The following CPNE4 variants were observed in gnomAD, a reference collection of about 807,000 sequenced individuals.
CPNE4 encodes copine-4.
A neutral mutation model predicts 67.9 loss-of-function variants in CPNE4; 25 were observed. The observed-to-expected ratio is 0.37, with a 90% CI of 0.27 to 0.51. The LOEUF (loss-of-function observed/expected upper bound fraction) is 0.51. Among genes scored for constraint, CPNE4 ranks in the 20% least tolerant of loss-of-function variants. The probability of loss-of-function intolerance (pLI) is 0.93; values close to 1 mark genes in which losing one functional copy is unlikely to be tolerated. For missense variants in CPNE4, 464 were observed against 690.8 expected, an observed-to-expected ratio of 0.67 and a Z score of 3.68; for synonymous variants, 242 against 244.9, an observed-to-expected ratio of 0.99 and a Z score of 0.11.
intron 1 of CPNE4, among the ~76,000 whole-genome samples, chr3:131,941,539 G>A (rs138095453): frequency 3.3e-5 from 5 of 151,864 alleles, no homozygotes; most frequent in Middle Eastern, 3.4e-3. Context: ...CTACTGATGA[G>A]AAAACCAAGG....
chr3:131,882,863 C>T (rs765201020), intron 2 of CPNE4, among the ~76,000 whole-genome samples: 1 of 151,852 alleles, frequency 6.6e-6, no homozygotes, highest in African/African-American at 2.4e-5. Context: ...ACTACAGGCA[C>T]CCGCCACCAC....
intron 10 of CPNE4, among the ~76,000 whole-genome samples, chr3:131,570,246 T>C (rs1937265034): frequency 6.6e-6 from 1 of 151,822 alleles, no homozygotes; most frequent in African/African-American, 2.4e-5. Flanking sequence ...ATGAACATTT[T>C]TGAGCATATG....
intron 2 of CPNE4, among the ~76,000 whole-genome samples, chr3:131,807,417 A>G (rs188077761): frequency 6.6e-5 from 10 of 152,298 alleles, no homozygotes; most frequent in Non-Finnish European, 1.5e-5. Context: ...GTCATTATAT[A>G]CAGATCTACT....
At chr3:131,781,687 A>G (rs185186531) in intron 2 of CPNE4, among the ~76,000 whole-genome samples, 8 of 152,288 alleles carry the variant, frequency 5.3e-5, no homozygotes, top group African/African-American at 1.7e-4. Flanking sequence ...TTTTGGGTTT[A>G]TATGCCAGTG....
intron 1 of CPNE4, among the ~76,000 whole-genome samples, chr3:131,975,115 A>G (rs543186182): frequency 1.3e-5 from 2 of 152,328 alleles, no homozygotes; most frequent in African/African-American, 4.8e-5. Flanking sequence ...AACCGTCATC[A>G]AATTGAGATT....
intron 6 of CPNE4, among the ~76,000 whole-genome samples, chr3:131,673,190 G>T (rs1582998905): frequency 6.6e-6 from 1 of 151,828 alleles, no homozygotes; most frequent in Admixed American, 6.6e-5. Flanking sequence ...TCTGTTCCAT[G>T]GGTTTATGTG....
chr3:131,784,669 A>G (rs2083511086), intron 2 of CPNE4, among the ~76,000 whole-genome samples: 1 of 152,136 alleles, frequency 6.6e-6, no homozygotes, highest in African/African-American at 2.4e-5. Flanking sequence ...TCAGATGCCC[A>G]TAGTAGTAAC....
At chr3:131,674,087 C>T (rs917845204) in intron 6 of CPNE4, among the ~76,000 whole-genome samples, 3 of 151,876 alleles carry the variant, frequency 2.0e-5, no homozygotes, top group Admixed American at 6.6e-5. Context: ...GATTTTTGTC[C>T]TTCATTCTGT....
upstream of CPNE4, chr3:132,037,480 C>T (rs888206694): frequency 5.9e-6 from 6 of 1,024,904 alleles, no homozygotes. Context: ...CAATCACTGC[C>T]CCCACAGCAA....
At chr3:131,589,331 T>C (rs1938389003) in intron 7 of CPNE4, among the ~76,000 whole-genome samples, 2 of 152,156 alleles carry the variant, frequency 1.3e-5, no homozygotes, top group Non-Finnish European at 2.9e-5. Context: ...AGAATCTGGA[T>C]TCTGATGTCC....
chr3:131,871,782 T>G (rs545850594), intron 2 of CPNE4, among the ~76,000 whole-genome samples: 1 of 152,330 alleles, frequency 6.6e-6, no homozygotes, highest in South Asian at 2.1e-4. Context: ...TAAATCCACC[T>G]ATTACCTCTG....
At chr3:131,915,706 G>C (rs1374625871) in intron 1 of CPNE4, among the ~76,000 whole-genome samples, 1 of 152,036 alleles carries the variant, frequency 6.6e-6, no homozygotes, top group African/African-American at 2.4e-5. Flanking sequence ...ATCATTTCCT[G>C]AACTTTATAA....
chr3:131,854,897 G>A (rs931764936), intron 2 of CPNE4, among the ~76,000 whole-genome samples: 4 of 150,764 alleles, frequency 2.7e-5, no homozygotes, highest in Non-Finnish European at 5.9e-5. Flanking sequence ...TATTTGAACA[G>A]TACCATTTCA....
intron 7 of CPNE4, among the ~76,000 whole-genome samples, chr3:131,656,841 A>G (rs892201542): frequency 1.1e-3 from 166 of 152,328 alleles, no homozygotes; most frequent in African/African-American, 3.7e-3. Flanking sequence ...TTCAGTTTTG[A>G]GTTGACACCT....
At chr3:131,641,295 CA>C (rs1453332245) in intron 7 of CPNE4, among the ~76,000 whole-genome samples, 2 of 151,684 alleles carry the variant, frequency 1.3e-5, no homozygotes, top group Admixed American at 6.6e-5. Flanking sequence ...CCAAAATCTA[CA>C]AAGTACTCAA....
chr3:131,685,922 A>G lies in CPNE4; in HGVS notation c.544T>C (p.Phe182Leu). 1 of 1,612,784 alleles carries G rather than the reference A, an allele frequency of 6.2e-7. No individual in the cohort carries two copies. Among genetic ancestry groups the G allele is most frequent in the South Asian group, 1.1e-5 (1 of 91,004 alleles). ...FSKSDPFLEI[F>L]RMNDDATQQL... is the part of the protein sequence containing the mutation. ...TGAGTTGCATCATCATTCATACGAAAAATTTCCAGAAATGGGTCAGATTTA... is the reference window on the plus strand; with the variant it reads ...TGAGTTGCATCATCATTCATACGAAGAATTTCCAGAAATGGGTCAGATTTA... Residue 182 changes from phenylalanine to leucine, a missense_variant, in exon 6 of 16, where the codon TTT becomes CTT. Around this residue, in one of 6 missense-constraint regions of CPNE4, gnomAD observed 58 missense variants for 63.5 expected, o/e 0.91. Coordinates refer to ENST00000429747, the MANE Select transcript of CPNE4 (RefSeq NM_130808.3).
intron 1 of CPNE4, among the ~76,000 whole-genome samples, chr3:131,978,509 T>A (rs1583551372): frequency 1.2e-5 from 1 of 80,942 alleles, no homozygotes. Flanking sequence ...TATATTTATA[T>A]ATATTTATTT....
chr3:131,841,116 T>C (rs1405716846), intron 2 of CPNE4, among the ~76,000 whole-genome samples: 2 of 152,204 alleles, frequency 1.3e-5, no homozygotes, highest in African/African-American at 2.4e-5. Flanking sequence ...AGGAGTTACA[T>C]AGGAAGTATC....
intron 2 of CPNE4, among the ~76,000 whole-genome samples, chr3:131,787,574 T>C (rs111715942): frequency 0.034 from 5,227 of 152,238 alleles, 319 homozygotes; most frequent in African/African-American, 0.12. Flanking sequence ...GGCTCTCTGA[T>C]GATCACCCTT....
Sources: allele counts gnomAD v4.1 joint callset (sites outside exome capture counted in the v4.1 genomes callset), GRCh38; gene constraint gnomAD v4.1.1; regional missense constraint gnomAD v4.1.1; transcripts MANE v1.5; gene names NCBI Gene and HGNC (gene_info 2026-07-23, HGNC 2026-07-21).